The following ASPH variants were observed in gnomAD, a reference collection of about 807,000 sequenced individuals.
ASPH encodes aspartate beta-hydroxylase.
A neutral mutation model predicts 118.4 loss-of-function variants in ASPH; 100 were observed. The ratio of observed to expected loss-of-function variants is 0.84; its 90% CI spans 0.72 to 1.00. The LOEUF is 1.00. Ranked by LOEUF, ASPH falls within the 50% of genes least tolerant of loss-of-function variation. ASPH has a pLI of 0.00. For synonymous variants in ASPH, 315 were observed against 325.6 expected (o/e 0.97, Z 0.35); for missense variants, 920 against 919.5 (o/e 1.00, Z -0.01).
At chr8:61,668,145 G>A (rs1820631414) in intron 3 of ASPH, 3 of 1,298,858 alleles carry the variant, frequency 2.3e-6, no homozygotes, top group Admixed American at 1.9e-5. Context: ...TTTAGCATTA[G>A]TAGCAATATT....
chr8:61,670,149 T>C (rs1821679371), intron 3 of ASPH, among the ~76,000 whole-genome samples: 1 of 151,432 alleles, frequency 6.6e-6, no homozygotes. Flanking sequence ...GAAAAGTATA[T>C]AGACATGAAA....
intron 14 of ASPH, among the ~76,000 whole-genome samples, chr8:61,587,187 C>T (rs907276661): frequency 1.1e-4 from 16 of 152,056 alleles, no homozygotes; most frequent in African/African-American, 3.4e-4. Context: ...AACCCTAATC[C>T]CTGTAATGTT....
intron 19 of ASPH, among the ~76,000 whole-genome samples, chr8:61,555,388 G>T (rs971460841): frequency 2.6e-5 from 4 of 151,944 alleles, no homozygotes; most frequent in African/African-American, 9.7e-5. Flanking sequence ...ACGTCTCCTG[G>T]GTTCAAGTGA....
In ASPH at chr8:61,668,419, A is replaced by C. The variant is rs144755268; in HGVS notation, c.322+12549T>G. The stretch of plus-strand genomic sequence containing the variant: ...ATTCATCATTAAAAAATACTCCAAT[A>C]TCTCTCTTATTTGTCACTTTAAAGC... On this transcript the variant is annotated intron_variant, in intron 3 of 24. Transcript: ENST00000379454. The C allele has an allele frequency of 6.4e-3, 3,922 of 608,448 alleles. 23 individuals are homozygous for C. The highest frequency in any genetic ancestry group is 9.4e-3 in the Non-Finnish European group (3,331 of 355,798). 37.7% of individuals were successfully genotyped at this position (608,448 alleles called of 1,614,324 possible).
intron 3 of ASPH, chr8:61,659,292 T>G (rs1158316060): frequency 6.6e-6 from 1 of 152,212 alleles, no homozygotes; most frequent in Non-Finnish European, 1.5e-5. Context: ...TCAGAAATAT[T>G]AGTTGAATCA....
intron 1 of ASPH, among the ~76,000 whole-genome samples, chr8:61,711,496 T>TC (rs1462538182): frequency 3.3e-5 from 5 of 152,036 alleles, no homozygotes; most frequent in Non-Finnish European, 7.4e-5. Flanking sequence ...AAAAGTAAAA[T>TC]TGAACTCTGT....
At chr8:61,693,492 G>A (rs1377346245) in intron 1 of ASPH, among the ~76,000 whole-genome samples, 2 of 152,032 alleles carry the variant, frequency 1.3e-5, no homozygotes, top group Non-Finnish European at 2.9e-5. Context: ...TAACAGGAGA[G>A]AATTATAACA....
chr8:61,624,952 G>A (rs1461195471), intron 13 of ASPH: 1 of 984,802 alleles, frequency 1.0e-6, no homozygotes, highest in African/African-American at 1.7e-5. Context: ...GAGTACCCAT[G>A]CAGGACTCAC....
At chr8:61,642,777 G>A (rs903043712) in intron 10 of ASPH, 111 bp downstream of exon 10, 17 of 920,430 alleles carry the variant, frequency 1.8e-5, no homozygotes, top group Middle Eastern at 6.4e-4. Flanking sequence ...CCCAGGAGGC[G>A]GAGGTTGTAG....
intron 24 of ASPH, among the ~76,000 whole-genome samples, chr8:61,507,214 A>G (rs1806957463): frequency 6.6e-6 from 1 of 152,236 alleles, no homozygotes; most frequent in South Asian, 2.1e-4. Flanking sequence ...ATATAAAAGT[A>G]GAACTTAAGA....
rs772233539 is a variant in ASPH at position 61,525,976 on chromosome 8, C to A, written c.1900+1G>T. 1.9e-6 allele frequency: 3 copies of A among 1,613,620 alleles called. No homozygotes were observed. In the African/African-American group the frequency reaches 4.0e-5, roughly 22 times the overall value. Reference sequence around the variant, plus strand: ...GAACCATCTAGAAGTCAGAAACTCACCTTGCTGCCACAGCGTGAACTGGCT... The same window carrying A: ...GAACCATCTAGAAGTCAGAAACTCAACTTGCTGCCACAGCGTGAACTGGCT... On this transcript the variant is annotated splice_donor_variant, in intron 22 of 24. Coordinates refer to ENST00000379454, the MANE Select transcript of ASPH (RefSeq NM_004318.4). LOFTEE classifies it high-confidence loss of function.
chr8:61,557,587 A>C (rs1828342619), intron 18 of ASPH, among the ~76,000 whole-genome samples: 1 of 152,072 alleles, frequency 6.6e-6, no homozygotes, highest in Non-Finnish European at 1.5e-5. Flanking sequence ...TCTTCATAGC[A>C]CTTATCACCG....
intron 21 of ASPH, among the ~76,000 whole-genome samples, chr8:61,533,104 C>A (rs1427276937): frequency 1.4e-5 from 2 of 141,838 alleles, no homozygotes; most frequent in Admixed American, 7.1e-5. Flanking sequence ...ATTTCTTCTT[C>A]TTTTTTTTTT....
intron 5 of ASPH, among the ~76,000 whole-genome samples, chr8:61,649,393 T>C (rs529875293): frequency 6.6e-6 from 1 of 152,240 alleles, no homozygotes; most frequent in East Asian, 1.9e-4. Context: ...GGAAGAATCA[T>C]GAGTTCTTTA....
In ASPH at chr8:61,714,263, T is replaced by A; in HGVS notation, c.103+6A>T. On this transcript the variant is annotated splice_donor_region_variant and intron_variant, in intron 1 of 24. Transcript: ENST00000379454. The stretch of plus-strand genomic sequence containing the variant: ...CCCCAGATCCCCGCCCCGCAGGGCC[T>A]CTGACCTCTCCGGGCCCCGGGGCTG... 6.6e-7 allele frequency: 1 copy of A among 1,509,368 alleles called. No individual in the cohort carries two copies. The highest frequency in any genetic ancestry group is 8.8e-7 in the Non-Finnish European group (1 of 1,132,558). 93.5% of individuals were successfully genotyped at this position (1,509,368 alleles called of 1,614,324 possible).
intron 2 of ASPH, 47 bp downstream of exon 2, chr8:61,683,992 G>A: frequency 1.3e-5 from 21 of 1,576,422 alleles, no homozygotes; most frequent in Non-Finnish European, 1.6e-5. Flanking sequence ...CCTAAGAGAT[G>A]TCACTTACTC....
chr8:61,612,864 G>A (rs1180439270), intron 14 of ASPH, among the ~76,000 whole-genome samples: 11 of 152,192 alleles, frequency 7.2e-5, no homozygotes, highest in Non-Finnish European at 4.4e-5. Flanking sequence ...AACTTGAAAT[G>A]TAGCAAGTAT....
At chr8:61,695,856 C>A (rs1384477361) in intron 1 of ASPH, among the ~76,000 whole-genome samples, 1 of 152,194 alleles carries the variant, frequency 6.6e-6, no homozygotes, top group Non-Finnish European at 1.5e-5. Flanking sequence ...TCTGCTAACA[C>A]TTTAGAAATA....
At chr8:61,661,246 T>G (rs1816754044) in intron 3 of ASPH, 1 of 152,260 alleles carries the variant, frequency 6.6e-6, no homozygotes, top group East Asian at 1.9e-4. Context: ...TTGACCTAAG[T>G]AGGAATAGGA....
Sources: gnomAD v4.1 joint callset for allele counts (sites outside exome capture counted in the v4.1 genomes callset) on GRCh38, gnomAD v4.1.1 for gene constraint, MANE v1.5 for transcripts, NCBI Gene and HGNC (gene_info 2026-07-23, HGNC 2026-07-21) for gene names.